GRM7: variants seen among roughly 807,000 people sequenced by gnomAD.
The protein encoded by GRM7 is metabotropic glutamate receptor 7.
GRM7 carries 35 observed loss-of-function variants against 84.5 expected under a neutral mutation model. The ratio of observed to expected loss-of-function variants is 0.41; its 90% CI spans 0.32 to 0.55. The LOEUF is 0.55. Ranked by LOEUF, GRM7 falls within the 20% of genes least tolerant of loss-of-function variation. The probability of loss-of-function intolerance (pLI) is 0.19; values close to 1 mark genes in which losing one functional copy is unlikely to be tolerated. For synonymous variants in GRM7, 487 were observed against 455.1 expected, an observed-to-expected ratio of 1.07 and a Z score of -0.89; for missense variants, 1,003 against 1,194.6, an observed-to-expected ratio of 0.84 and a Z score of 2.36.
chr3:7,360,208 A>C (rs1450531236), intron 4 of GRM7, among the ~76,000 whole-genome samples: 1 of 146,004 alleles, frequency 6.8e-6, no homozygotes, highest in Non-Finnish European at 1.5e-5. Context: ...ATAATGACTA[A>C]ATGGGTCTTT....
chr3:7,676,956 A>G (rs974563242), intron 8 of GRM7, among the ~76,000 whole-genome samples: 1 of 152,030 alleles, frequency 6.6e-6, no homozygotes, highest in African/African-American at 2.4e-5. Flanking sequence ...TAAGTGATGC[A>G]TGACTGTACT....
chr3:7,060,195 T>C (rs1422819507), intron 1 of GRM7, among the ~76,000 whole-genome samples: 1 of 151,836 alleles, frequency 6.6e-6, no homozygotes, highest in Non-Finnish European at 1.5e-5. Flanking sequence ...TTTTCAAGTA[T>C]CTCCTTCAGT....
intron 1 of GRM7, among the ~76,000 whole-genome samples, chr3:7,136,187 T>C (rs939198385): frequency 3.3e-5 from 5 of 152,078 alleles, no homozygotes; most frequent in Admixed American, 2.6e-4. Flanking sequence ...TTTATTCATT[T>C]TTTTTTTCTA....
At chr3:7,383,971 C>G (rs13064153) in intron 4 of GRM7, among the ~76,000 whole-genome samples, 1 of 152,002 alleles carries the variant, frequency 6.6e-6, no homozygotes, top group Non-Finnish European at 1.5e-5. Flanking sequence ...CTGGACCCTA[C>G]TCTAAGGGTA....
At chr3:7,581,600 A>C (rs1265361939) in intron 8 of GRM7, among the ~76,000 whole-genome samples, 1 of 152,210 alleles carries the variant, frequency 6.6e-6, no homozygotes, top group African/African-American at 2.4e-5. Flanking sequence ...AAGAGATCAC[A>C]TCAGAAGGGA....
chr3:7,371,818 A>C (rs1694148925), intron 4 of GRM7, among the ~76,000 whole-genome samples: 1 of 152,278 alleles, frequency 6.6e-6, no homozygotes, highest in African/African-American at 2.4e-5. Flanking sequence ...ATCCAACTGT[A>C]AAAAGGGAAT....
intron 1 of GRM7, among the ~76,000 whole-genome samples, chr3:6,879,270 A>G (rs923800122): frequency 2.6e-5 from 4 of 152,160 alleles, no homozygotes; most frequent in Non-Finnish European, 5.9e-5. Context: ...ACACTTTTAT[A>G]CTTATATTAT....
At chr3:7,344,255 C>T (rs975862575) in intron 4 of GRM7, among the ~76,000 whole-genome samples, 2 of 152,128 alleles carry the variant, frequency 1.3e-5, no homozygotes, top group African/African-American at 4.8e-5. Flanking sequence ...ACCCTCTACC[C>T]TCTGACAGGA....
At chr3:7,003,065 A>G (rs374167628) in intron 1 of GRM7, among the ~76,000 whole-genome samples, 1 of 152,156 alleles carries the variant, frequency 6.6e-6, no homozygotes, top group Non-Finnish European at 1.5e-5. Flanking sequence ...CAGAGTAGAA[A>G]GTGTTAACAG....
chr3:7,100,476 TC>T (rs1358662195), intron 1 of GRM7, among the ~76,000 whole-genome samples: 1 of 151,834 alleles, frequency 6.6e-6, no homozygotes, highest in Non-Finnish European at 1.5e-5. Flanking sequence ...GGATAGTTTT[TC>T]ATAGGCAAAA....
At position 7,686,381 on chromosome 3, in the gene GRM7, G is replaced by C. The variant is rs1260387568; in HGVS notation, c.2698+6086G>C. ...GACTGTATACCACCAGTAAGAAAGAGTGTACAAAAGTCTGTTACTTGGTAC... is the reference window on the plus strand; with the variant it reads ...GACTGTATACCACCAGTAAGAAAGACTGTACAAAAGTCTGTTACTTGGTAC... On this transcript the variant is annotated intron_variant, in intron 9 of 9. Transcript: ENST00000357716. 3.3e-6 allele frequency: 5 copies of C among 1,507,316 alleles called. No individual in the cohort carries two copies. The Admixed American group carries it at 8.4e-5, about 25-fold the overall frequency. The allele number at this position is 1,507,316 out of a possible 1,614,324, so 93.4% of individuals were successfully genotyped here.
intron 7 of GRM7, among the ~76,000 whole-genome samples, chr3:7,527,649 T>C (rs1458002569): frequency 6.6e-6 from 1 of 152,068 alleles, no homozygotes; most frequent in Non-Finnish European, 1.5e-5. Context: ...TGTTGTAGTA[T>C]GATATTGGCT....
At chr3:7,667,607 C>T (rs1575610338) in intron 8 of GRM7, among the ~76,000 whole-genome samples, 1 of 151,944 alleles carries the variant, frequency 6.6e-6, no homozygotes, top group African/African-American at 2.4e-5. Context: ...AGCAATAGAA[C>T]ATTTTCTAAG....
At chr3:7,397,717 A>G (rs770044807) in intron 4 of GRM7, among the ~76,000 whole-genome samples, 1 of 152,178 alleles carries the variant, frequency 6.6e-6, no homozygotes, top group African/African-American at 2.4e-5. Flanking sequence ...ATTAAAAAGC[A>G]TTAAATCAGT....
chr3:7,561,382 T>C (rs954857521), intron 7 of GRM7: 8 of 341,040 alleles, frequency 2.3e-5, no homozygotes, highest in African/African-American at 1.3e-4. Flanking sequence ...AGAAAATAGG[T>C]GTTTCTCATG....
chr3:7,148,325 A>T (rs1048482726), intron 2 of GRM7, among the ~76,000 whole-genome samples: 2 of 152,246 alleles, frequency 1.3e-5, no homozygotes, highest in African/African-American at 4.8e-5. Context: ...TGAAAAGAAC[A>T]TATGGGTAAA....
At chr3:7,156,061 T>C (rs1694438685) in intron 2 of GRM7, among the ~76,000 whole-genome samples, 1 of 152,172 alleles carries the variant, frequency 6.6e-6, no homozygotes, top group African/African-American at 2.4e-5. Flanking sequence ...TCAAGTATCA[T>C]TACACTCTAA....
intron 7 of GRM7, among the ~76,000 whole-genome samples, chr3:7,550,887 C>A (rs1332067203): frequency 6.6e-6 from 1 of 151,968 alleles, no homozygotes; most frequent in East Asian, 1.9e-4. Flanking sequence ...TTCTCTAAGC[C>A]CCACTCTCCT....
chr3:7,546,756 T>A (rs1693175798), intron 7 of GRM7, among the ~76,000 whole-genome samples: 1 of 152,188 alleles, frequency 6.6e-6, no homozygotes, highest in Non-Finnish European at 1.5e-5. Flanking sequence ...CTGTAACAAC[T>A]ATGTAGCATT....
Sources: gnomAD v4.1 joint callset for allele counts (sites outside exome capture counted in the v4.1 genomes callset) on GRCh38, gnomAD v4.1.1 for gene constraint, MANE v1.5 for transcripts, NCBI Gene and HGNC (gene_info 2026-07-23, HGNC 2026-07-21) for gene names.